Variants in TREM1 observed in about 807,000 individuals in gnomAD.
TREM1 encodes triggering receptor expressed on myeloid cells 1.
Under a neutral mutation model 22.4 loss-of-function variants are expected in TREM1, and 16 were observed. The ratio of observed to expected loss-of-function variants is 0.71; its 90% confidence interval spans 0.48 to 1.08. The LOEUF is 1.08. Among genes scored for constraint, TREM1 ranks in the 50% least tolerant of loss-of-function variants. The pLI, the probability that TREM1 is intolerant of heterozygous loss-of-function variation, is 0.00. For synonymous variants in TREM1, 110 were observed against 111.6 expected (o/e 0.99, Z 0.09); for missense variants, 283 against 282.9 (o/e 1.00, Z 0.00).
Position 41,282,603 on chromosome 6 carries a change from G to A in TREM1, c.198C>T (p.Thr66=), listed in dbSNP as rs767097136. ...QIIRDGEMPK[T]LACTERPSKN... is the part of the protein sequence containing the mutation. ...TTGAAGGCCTCTCTGTGCATGCCAG[G>A]GTCTTGGGCATCTCTCCGTCCCTTA... Residue 66 remains threonine (T), a synonymous_variant, in exon 2 of 4, where the codon ACC becomes ACT. Transcript: ENST00000244709. 6.2e-7 allele frequency: 1 copy of A among 1,614,166 alleles called. No individual in the cohort carries two copies. The highest frequency in any genetic ancestry group is 1.1e-5 in the South Asian group (1 of 91,086).
chr6:41,270,837 C>T (rs1185530387), downstream of TREM1, among the ~76,000 whole-genome samples: 3 of 152,160 alleles, frequency 2.0e-5, no homozygotes, highest in Admixed American at 6.6e-5. Flanking sequence ...CACCACATAG[C>T]TGGGACTACA....
At chr6:41,281,748 C>T (rs1005306210) in intron 2 of TREM1, 6 of 160,110 alleles carry the variant, frequency 3.7e-5, no homozygotes, top group African/African-American at 1.4e-4. Flanking sequence ...TCAGAAACTA[C>T]ATTATTTGCT....
downstream of TREM1, among the ~76,000 whole-genome samples, chr6:41,271,087 T>C (rs960631269): frequency 6.6e-6 from 1 of 152,144 alleles, no homozygotes; most frequent in Admixed American, 6.5e-5. Flanking sequence ...CCAAATGGGA[T>C]GGATATTCCC....
rs148475826 is a variant in TREM1, at chr6:41,281,087, G to T, written c.473C>A (p.Thr158Asn). 39 of 1,614,248 alleles carry T rather than the reference G, an allele frequency of 2.4e-5. No homozygotes were observed. The East Asian group carries it at 8.2e-4, about 34-fold the overall frequency. The change falls in exon 3 of 4, where the codon ACC becomes AAC. Residue 158 changes from threonine to asparagine, a missense_variant. Physicochemically the swap from Thr to Asn is moderately conservative, Grantham distance 65 (BLOSUM62 0). Transcript: ENST00000244709. ...ATAGAGTGGGCACAAGGCCTTAGTG[G>T]TGGTAGGAGGAATCTTATACACATT... ...TQNVYKIPPT[T>N]TKALCPLYTS...
intron 3 of TREM1, among the ~76,000 whole-genome samples, chr6:41,277,341 G>A (rs1767711183): frequency 6.6e-6 from 1 of 151,922 alleles, no homozygotes; most frequent in Non-Finnish European, 1.5e-5. Context: ...CAACTGGTGG[G>A]GGACAGGGGG....
At chr6:41,267,942 G>A (rs567309830) in exon 4 of TREM1, 179 of 398,618 alleles carry the variant, frequency 4.5e-4, no homozygotes, top group Middle Eastern at 3.1e-3. Flanking sequence ...CTTTCAGGGC[G>A]TAGGTTTTCC....
chr6:41,277,590 C>T (rs1283900993), intron 3 of TREM1, among the ~76,000 whole-genome samples: 2 of 152,184 alleles, frequency 1.3e-5, no homozygotes, highest in Admixed American at 6.5e-5. Context: ...ATGCTGAACT[C>T]CTGGGGCATG....
chr6:41,272,394 T>G (rs1366089992), downstream of TREM1, among the ~76,000 whole-genome samples: 1 of 152,202 alleles, frequency 6.6e-6, no homozygotes, highest in Non-Finnish European at 1.5e-5. Flanking sequence ...GAAATGGTGC[T>G]GCGCAAACAA....
chr6:41,282,299 C>T, intron 2 of TREM1, 96 bp downstream of exon 2: 1 of 962,786 alleles, frequency 1.0e-6, no homozygotes, highest in East Asian at 2.4e-5. Context: ...GGAAGACAGA[C>T]TGCTGGGAAT....
intron 3 of TREM1, chr6:41,280,662 TG>T: frequency 7.1e-7 from 1 of 1,399,730 alleles, no homozygotes; most frequent in Non-Finnish European, 9.3e-7. Context: ...ATCAGGCCCC[TG>T]GGGTTGGATG....
At chr6:41,273,037 T>C (rs1010044692), downstream of TREM1, among the ~76,000 whole-genome samples, 4 of 152,172 alleles carry the variant, frequency 2.6e-5, no homozygotes, top group Non-Finnish European at 4.4e-5. Flanking sequence ...GCAGCTGTGC[T>C]GCAGGCACGT....
chr6:41,271,936 G>GAGCAGC (rs1348859845), downstream of TREM1, among the ~76,000 whole-genome samples: 2 of 152,004 alleles, frequency 1.3e-5, no homozygotes, highest in East Asian at 1.9e-4. Context: ...GCAGCAGCAG[G>GAGCAGC]AGCAGCAGCA....
intron 3 of TREM1, chr6:41,279,593 CAACATAATGGGGAA>C: frequency 3.0e-6 from 3 of 985,282 alleles, no homozygotes; most frequent in Non-Finnish European, 2.4e-6. Flanking sequence ...GTTCCCCAAA[CAACATAATGGGGAA>C]AAAGGCACTG....
rs921320022 is a variant in TREM1, at chr6:41,279,630, T to C, written c.599+1331A>G. On this transcript the variant is annotated intron_variant, in intron 3 of 3. Transcript: ENST00000244709. The stretch of plus-strand genomic sequence containing the variant: ...GAAAAAGGCACTGCCACTACCCATA[T>C]GGAGGTGGAGTCTACACTCATAGAG... The C allele has an allele frequency of 7.1e-6, 7 of 985,262 alleles. No homozygotes were observed. In the African/African-American group the frequency reaches 1.2e-4, roughly 17 times the overall value. The allele number at this position is 985,262 out of a possible 1,614,324, so 61.0% of individuals were successfully genotyped here.
At chr6:41,268,856 T>C (rs1231421264), downstream of TREM1, among the ~76,000 whole-genome samples, 1 of 152,198 alleles carries the variant, frequency 6.6e-6, no homozygotes, top group Non-Finnish European at 1.5e-5. Flanking sequence ...ACCAATTGCA[T>C]CATTGATTTG....
chr6:41,283,521 C>T (rs1460841553), intron 1 of TREM1, among the ~76,000 whole-genome samples: 1 of 152,020 alleles, frequency 6.6e-6, no homozygotes, highest in Non-Finnish European at 1.5e-5. Context: ...ACCAGCCTGG[C>T]CAACATGGTG....
At chr6:41,281,332 TTGCTAAAGCCAAAGAAATAC>T in intron 2 of TREM1, 179 bp from the exon 3 acceptor site, 1 of 716,760 alleles carries the variant, frequency 1.4e-6, no homozygotes, top group South Asian at 2.1e-5. Context: ...AAGTTTTCCT[TTGCTAAAGCCAAAGAAATAC>T]TGTGGAGTCA....
chr6:41,281,225 T>C (rs1767909362), intron 2 of TREM1, 72 bp from the exon 3 acceptor site: 2 of 1,475,106 alleles, frequency 1.4e-6, no homozygotes. Flanking sequence ...GGTGAATGGA[T>C]GTATGGATGT....
chr6:41,276,357 T>C lies in TREM1; in HGVS notation c.600-127A>G, dbSNP rs115770917. ...GATCCTTGCTCCACCTTTCCCGCAC[T>C]GCCTGACCCTGTGCTTTTCAGTCTG... On this transcript the variant is annotated intron_variant, in intron 3 of 3. Transcript: ENST00000244709. The C allele has an allele frequency of 2.3e-4, 160 of 689,704 alleles. No homozygotes were observed. In the African/African-American group the frequency reaches 2.5e-3, roughly 11 times the overall value. 42.7% of individuals were successfully genotyped at this position (689,704 alleles called of 1,614,324 possible). A position where few individuals can be genotyped will look rare whatever the true frequency, so the allele number is the denominator to read the frequency against.
Sources: gnomAD v4.1 joint callset for allele counts (sites outside exome capture counted in the v4.1 genomes callset) on GRCh38, gnomAD v4.1.1 for gene constraint, MANE v1.5 for transcripts, NCBI Gene and HGNC (gene_info 2026-07-23, HGNC 2026-07-21) for gene names.